Variants in MSRA observed in about 807,000 individuals in gnomAD.
MSRA encodes methionine sulfoxide reductase A, also known as mitochondrial peptide methionine sulfoxide reductase.
MSRA carries 54 observed loss-of-function variants against 31.3 expected under a neutral mutation model. That is an observed-to-expected ratio of 1.73 (90% CI 1.39 to 2.17). The LOEUF is 2.17. Among genes scored for constraint, MSRA ranks in the 30% most tolerant of loss-of-function variants. MSRA has a pLI of 0.00. For missense variants in MSRA, 507 were observed against 300.9 expected (o/e 1.69, Z -5.07); for synonymous variants, 169 against 116.5 (o/e 1.45, Z -2.90).
intron 5 of MSRA, among the ~76,000 whole-genome samples, chr8:10,378,346 G>A (rs1805867976): frequency 6.6e-6 from 1 of 152,184 alleles, no homozygotes; most frequent in Non-Finnish European, 1.5e-5. Context: ...GTGGGCAGCT[G>A]CCCCAAGGAA....
chr8:10,095,101 G>A (rs1211554149), intron 1 of MSRA, among the ~76,000 whole-genome samples: 4 of 152,176 alleles, frequency 2.6e-5, no homozygotes, highest in Non-Finnish European at 4.4e-5. Flanking sequence ...GCATGCCTCC[G>A]TTTCTATTCT....
intron 4 of MSRA, among the ~76,000 whole-genome samples, chr8:10,303,002 C>T (rs1800929684): frequency 6.6e-6 from 1 of 152,338 alleles, no homozygotes; most frequent in South Asian, 2.1e-4. Context: ...GATCATAAAT[C>T]AGGGTGGTGA....
chr8:10,089,742 G>A (rs1798765494), intron 1 of MSRA, among the ~76,000 whole-genome samples: 1 of 152,222 alleles, frequency 6.6e-6, no homozygotes, highest in South Asian at 2.1e-4. Context: ...TGGTGCAGAA[G>A]GTCAAAGGAG....
chr8:10,391,886 C>G (rs1806772110), intron 5 of MSRA, among the ~76,000 whole-genome samples: 1 of 152,148 alleles, frequency 6.6e-6, no homozygotes, highest in Non-Finnish European at 1.5e-5. Flanking sequence ...CTTCATGGTG[C>G]TGATCATGCA....
At chr8:10,391,448 G>T (rs920046160) in intron 5 of MSRA, among the ~76,000 whole-genome samples, 1 of 152,022 alleles carries the variant, frequency 6.6e-6, no homozygotes, top group African/African-American at 2.4e-5. Context: ...AAGCTGTGGT[G>T]AGTATCTGTG....
At chr8:10,090,676 G>A (rs1205752886) in intron 1 of MSRA, among the ~76,000 whole-genome samples, 1 of 152,156 alleles carries the variant, frequency 6.6e-6, no homozygotes, top group African/African-American at 2.4e-5. Flanking sequence ...ATAGTCATTG[G>A]CAGTCACTTC....
chr8:10,061,905 T>C (rs1797211669), intron 1 of MSRA, among the ~76,000 whole-genome samples: 1 of 152,032 alleles, frequency 6.6e-6, no homozygotes, highest in Admixed American at 6.6e-5. Context: ...TCTGCAGCAG[T>C]GGTGGGGAAG....
chr8:10,331,527 T>C (rs1164051442), intron 5 of MSRA, among the ~76,000 whole-genome samples: 4 of 152,200 alleles, frequency 2.6e-5, no homozygotes, highest in Non-Finnish European at 5.9e-5. Flanking sequence ...GAAGTGTTCA[T>C]TCACATTCCC....
intron 5 of MSRA, among the ~76,000 whole-genome samples, chr8:10,372,400 C>T (rs780599246): frequency 2.0e-5 from 3 of 152,276 alleles, no homozygotes; most frequent in African/African-American, 4.8e-5. Context: ...GCATGTGAAG[C>T]GTATTGCAGT....
intron 1 of MSRA, among the ~76,000 whole-genome samples, chr8:10,170,456 G>C (rs561419679): frequency 4.6e-5 from 7 of 152,236 alleles, no homozygotes; most frequent in Non-Finnish European, 7.4e-5. Flanking sequence ...CTGGTGCCTT[G>C]GTTTTGGACT....
chr8:10,324,839 G>A (rs542523216), intron 5 of MSRA, among the ~76,000 whole-genome samples: 11 of 152,318 alleles, frequency 7.2e-5, no homozygotes, highest in Admixed American at 5.2e-4. Context: ...CTAGGCATTC[G>A]GGAGAAGATG....
chr8:10,358,535 C>T, intron 5 of MSRA, among the ~76,000 whole-genome samples: 1 of 146,802 alleles, frequency 6.8e-6, no homozygotes, highest in African/African-American at 2.5e-5. Context: ...TCAGCTCCGC[C>T]TCCTGTCAGA....
intron 1 of MSRA, among the ~76,000 whole-genome samples, chr8:10,186,783 C>G (rs1345363060): frequency 1.3e-5 from 2 of 152,134 alleles, no homozygotes; most frequent in African/African-American, 4.8e-5. Context: ...CCTAACATAA[C>G]GTTAGTCCTG....
In MSRA at chr8:10,189,503, C is replaced by G. The variant is rs1343403778; in HGVS notation, c.143-18330C>G. On this transcript the variant is annotated intron_variant, in intron 1 of 5. Transcript: ENST00000317173. The stretch of plus-strand genomic sequence containing the variant: ...CTTTTTAGTAGATTTTTTTTATTAG[C>G]TTATCTCCCTTGTTGACTAAAAAAA... 2.0e-5 allele frequency among the ~76,000 whole-genome samples: 3 copies of G among 152,162 alleles called. No individual in the cohort carries two copies. In the East Asian group the frequency reaches 5.8e-4, roughly 29 times the overall value.
At chr8:10,280,644 A>G (rs1799571802) in intron 3 of MSRA, among the ~76,000 whole-genome samples, 2 of 152,214 alleles carry the variant, frequency 1.3e-5, no homozygotes, top group South Asian at 2.1e-4. Context: ...GGGTTAGTCT[A>G]TGACTCAGCA....
chr8:10,274,889 A>G (rs1309517153), intron 3 of MSRA, among the ~76,000 whole-genome samples: 1 of 152,188 alleles, frequency 6.6e-6, no homozygotes, highest in African/African-American at 2.4e-5. Context: ...CCAACCATCT[A>G]TCCGTCCATC....
intron 5 of MSRA, among the ~76,000 whole-genome samples, chr8:10,334,915 G>C: frequency 6.6e-6 from 1 of 152,326 alleles, no homozygotes; most frequent in African/African-American, 2.4e-5. Flanking sequence ...TGGCTGTTCG[G>C]GCCCCGCCGA....
rs192140245 is a variant in MSRA at position 10,223,182 on chromosome 8, G to C, written c.211+15281G>C. Among the ~76,000 whole-genome samples the C allele has an allele frequency of 5.9e-5, 9 of 152,252 alleles. No homozygotes were observed. The East Asian group carries it at 1.7e-3, about 29-fold the overall frequency. On this transcript the variant is annotated intron_variant, in intron 2 of 5. Coordinates refer to ENST00000317173, the MANE Select transcript of MSRA (RefSeq NM_012331.5). ...AGGTATTACTATTGCTTTACTTGCAGGTCAATATTACCTGCATTTTTAGAT... is the reference window on the plus strand; with the variant it reads ...AGGTATTACTATTGCTTTACTTGCACGTCAATATTACCTGCATTTTTAGAT...
At chr8:10,134,170 A>T (rs1802096965) in intron 1 of MSRA, among the ~76,000 whole-genome samples, 1 of 152,146 alleles carries the variant, frequency 6.6e-6, no homozygotes, top group South Asian at 2.1e-4. Context: ...GTGATAAATT[A>T]TGAAATGCCT....
Sources: allele counts gnomAD v4.1 joint callset (sites outside exome capture counted in the v4.1 genomes callset), GRCh38; gene constraint gnomAD v4.1.1; transcripts MANE v1.5; gene names NCBI Gene and HGNC (gene_info 2026-07-23, HGNC 2026-07-21).